CSGALNACT1: variants seen among roughly 807,000 people sequenced by gnomAD.
CSGALNACT1 encodes chondroitin sulfate N-acetylgalactosaminyltransferase 1.
In CSGALNACT1, 52 loss-of-function variants were observed where a neutral mutation model predicts 51.0. That is an observed-to-expected ratio of 1.02 (90% CI 0.82 to 1.29). The LOEUF (loss-of-function observed/expected upper bound fraction) is 1.29, where lower values mean the gene tolerates loss of function less well. CSGALNACT1 is among the 50% of genes most tolerant of loss of function. CSGALNACT1 has a pLI of 0.00. For missense variants in CSGALNACT1, 935 were observed against 679.2 expected (o/e 1.38, Z -4.19); for synonymous variants, 341 against 254.4 (o/e 1.34, Z -3.24).
chr8:19,502,965 GA>G (rs10707764), intron 4 of CSGALNACT1, among the ~76,000 whole-genome samples: 81,012 of 151,870 alleles, frequency 0.53, 23,645 homozygotes, highest in East Asian at 0.84. Context: ...ACTTTGTTCT[GA>G]AACATCACTA....
intron 6 of CSGALNACT1, among the ~76,000 whole-genome samples, chr8:19,438,485 T>C (rs1236146022): frequency 6.6e-6 from 1 of 152,220 alleles, no homozygotes; most frequent in African/African-American, 2.4e-5. Context: ...TCGATTATTT[T>C]ATTCTATTTG....
intron 3 of CSGALNACT1, among the ~76,000 whole-genome samples, chr8:19,570,030 C>G (rs2042673999): frequency 6.6e-6 from 1 of 151,536 alleles, no homozygotes; most frequent in Non-Finnish European, 1.5e-5. Flanking sequence ...ATTAGAGGTC[C>G]AAATAGTGGC....
chr8:19,643,128 TTA>T (rs1249931684), intron 1 of CSGALNACT1, among the ~76,000 whole-genome samples: 1 of 152,060 alleles, frequency 6.6e-6, no homozygotes, highest in African/African-American at 2.4e-5. Context: ...ATATAGTAAG[TTA>T]TATGTTATAT....
intron 3 of CSGALNACT1, among the ~76,000 whole-genome samples, chr8:19,587,481 C>G (rs1220236055): frequency 6.6e-6 from 1 of 152,174 alleles, no homozygotes; most frequent in Non-Finnish European, 1.5e-5. Context: ...CATCTCAATC[C>G]TTTTCTAACT....
At chr8:19,457,872 A>T in intron 5 of CSGALNACT1, 6 of 1,167,792 alleles carry the variant, frequency 5.1e-6, no homozygotes, top group South Asian at 4.9e-5. Flanking sequence ...TGTGGGCTTG[A>T]AACCTTCTTG....
chr8:19,556,628 G>A (rs769587292), intron 3 of CSGALNACT1, among the ~76,000 whole-genome samples: 1 of 151,952 alleles, frequency 6.6e-6, no homozygotes, highest in Non-Finnish European at 1.5e-5. Context: ...AGCATTATTG[G>A]GACTGTTCTG....
At chr8:19,670,241 T>A (rs141590833) in intron 1 of CSGALNACT1, among the ~76,000 whole-genome samples, 3 of 152,302 alleles carry the variant, frequency 2.0e-5, no homozygotes, top group African/African-American at 7.2e-5. Context: ...CACAGTCTCC[T>A]TCAGTGCCCA....
intron 6 of CSGALNACT1, among the ~76,000 whole-genome samples, chr8:19,434,670 A>G (rs1585911347): frequency 6.6e-6 from 1 of 152,206 alleles, no homozygotes; most frequent in East Asian, 1.9e-4. Flanking sequence ...GCCTCTGGCA[A>G]ATGCCAGGTG....
chr8:19,471,792 G>T (rs4292704), intron 4 of CSGALNACT1, among the ~76,000 whole-genome samples: 1 of 152,066 alleles, frequency 6.6e-6, no homozygotes, highest in East Asian at 1.9e-4. Context: ...GAAGAGATGG[G>T]GAAGAAACAG....
intron 1 of CSGALNACT1, among the ~76,000 whole-genome samples, chr8:19,707,816 G>T (rs978520042): frequency 3.9e-5 from 6 of 152,154 alleles, no homozygotes; most frequent in South Asian, 2.1e-4. Context: ...GCCTGGCCAA[G>T]ATGGTGAAAC....
chr8:19,465,974 G>A, intron 4 of CSGALNACT1, among the ~76,000 whole-genome samples: 1 of 152,174 alleles, frequency 6.6e-6, no homozygotes, highest in East Asian at 1.9e-4. Context: ...ACAAGGTAAA[G>A]TCTGTAGCAA....
chr8:19,439,412 G>C (rs978775447), intron 6 of CSGALNACT1, among the ~76,000 whole-genome samples: 1 of 152,228 alleles, frequency 6.6e-6, no homozygotes, highest in African/African-American at 2.4e-5. Flanking sequence ...TGAGATCTGA[G>C]CATAGACTTC....
intron 5 of CSGALNACT1, among the ~76,000 whole-genome samples, chr8:19,445,060 G>A (rs1365641024): frequency 1.3e-5 from 2 of 152,180 alleles, no homozygotes; most frequent in African/African-American, 2.4e-5. Flanking sequence ...CAATGGCAGA[G>A]ATTTAAAAGC....
intron 3 of CSGALNACT1, among the ~76,000 whole-genome samples, chr8:19,538,224 G>C (rs1247347115): frequency 1.3e-5 from 2 of 152,186 alleles, no homozygotes; most frequent in African/African-American, 4.8e-5. Context: ...CTAGCTACTT[G>C]AAAGGCTGAG....
chr8:19,543,976 G>A (rs1352559840), intron 3 of CSGALNACT1, among the ~76,000 whole-genome samples: 2 of 152,146 alleles, frequency 1.3e-5, no homozygotes, highest in African/African-American at 4.8e-5. Flanking sequence ...TCAGCTTAGA[G>A]TTTTAGGAGA....
intron 2 of CSGALNACT1, among the ~76,000 whole-genome samples, chr8:19,601,084 AT>A (rs1234514464): frequency 5.3e-5 from 8 of 152,090 alleles, no homozygotes; most frequent in Non-Finnish European, 8.8e-5. Context: ...TTTATTTTGT[AT>A]TTTTTAAGTT....
chr8:19,746,760 A>G (rs999756364), intron 1 of CSGALNACT1, among the ~76,000 whole-genome samples: 96 of 152,354 alleles, frequency 6.3e-4, no homozygotes, highest in African/African-American at 2.2e-3. Context: ...TCTCTTTCAA[A>G]TGCATGATTT....
intron 3 of CSGALNACT1, among the ~76,000 whole-genome samples, chr8:19,530,426 C>A (rs2076762018): frequency 6.6e-6 from 1 of 152,024 alleles, no homozygotes; most frequent in African/African-American, 2.4e-5. Flanking sequence ...CTCTTTGCTT[C>A]ATTAACATAG....
chr8:19,411,577 A>G (rs1420886942), intron 8 of CSGALNACT1, among the ~76,000 whole-genome samples: 1 of 152,170 alleles, frequency 6.6e-6, no homozygotes, highest in Non-Finnish European at 1.5e-5. Context: ...ACCTCTCAGA[A>G]TCCTGTGGCT....
Sources: gnomAD v4.1 joint callset for allele counts (sites outside exome capture counted in the v4.1 genomes callset) on GRCh38, gnomAD v4.1.1 for gene constraint, MANE v1.5 for transcripts, NCBI Gene and HGNC (gene_info 2026-07-23, HGNC 2026-07-21) for gene names.